Variants in GRID1 observed in about 807,000 individuals in gnomAD.
The protein encoded by GRID1 is glutamate receptor ionotropic, delta-1.
Under a neutral mutation model 98.0 loss-of-function variants are expected in GRID1, and 28 were observed. The ratio of observed to expected loss-of-function variants is 0.29; its 90% CI spans 0.21 to 0.39. The LOEUF is 0.39. GRID1 is among the 10% of genes least tolerant of loss of function. The pLI, the probability that GRID1 is intolerant of heterozygous loss-of-function variation, is 1.00. For missense variants in GRID1, 1,111 were observed against 1,340.5 expected, an observed-to-expected ratio of 0.83 and a Z score of 2.67; for synonymous variants, 553 against 538.5, an observed-to-expected ratio of 1.03 and a Z score of -0.37.
chr10:86,013,642 A>G (rs1258333290), intron 4 of GRID1, among the ~76,000 whole-genome samples: 2 of 152,210 alleles, frequency 1.3e-5, no homozygotes, highest in South Asian at 2.1e-4. Flanking sequence ...AACCTTCACT[A>G]TCCTTCCTGA....
chr10:86,262,535 A>C (rs1028181223), intron 2 of GRID1, among the ~76,000 whole-genome samples: 1 of 152,134 alleles, frequency 6.6e-6, no homozygotes, highest in Admixed American at 6.5e-5. Context: ...GAGGGCCAAG[A>C]GTGGAGGGCG....
At chr10:86,354,062 CAGAAG>C (rs1848500219) in intron 2 of GRID1, among the ~76,000 whole-genome samples, 2 of 152,192 alleles carry the variant, frequency 1.3e-5, no homozygotes, top group African/African-American at 4.8e-5. Flanking sequence ...GATGAAAAGG[CAGAAG>C]GCCCACGGCC....
intron 3 of GRID1, among the ~76,000 whole-genome samples, chr10:86,199,046 C>T (rs1004774356): frequency 2.0e-5 from 3 of 152,138 alleles, no homozygotes; most frequent in East Asian, 1.9e-4. Flanking sequence ...TTTTTATTTA[C>T]TCATTTATTT....
intron 13 of GRID1, among the ~76,000 whole-genome samples, chr10:85,623,635 T>C (rs1489625441): frequency 6.6e-6 from 1 of 152,126 alleles, no homozygotes; most frequent in Non-Finnish European, 1.5e-5. Context: ...TTCACCCTCC[T>C]CCTTCCTTGA....
chr10:86,000,588 G>A (rs1301274184), intron 4 of GRID1, among the ~76,000 whole-genome samples: 3 of 152,138 alleles, frequency 2.0e-5, no homozygotes, highest in Admixed American at 6.5e-5. Context: ...TGTATCAGTG[G>A]AATAGAATAA....
At chr10:85,923,133 CCTCCTTGATGGTCAT>C (rs1841727943) in intron 4 of GRID1, among the ~76,000 whole-genome samples, 1 of 99,116 alleles carries the variant, frequency 1.0e-5, no homozygotes, top group Non-Finnish European at 2.1e-5. Flanking sequence ...GGAGCCAGCC[CCTCCTTGATGGTCAT>C]CTGTTCCCAT....
chr10:85,981,513 C>T (rs1023785517), intron 4 of GRID1, among the ~76,000 whole-genome samples: 2 of 152,152 alleles, frequency 1.3e-5, no homozygotes, highest in Non-Finnish European at 2.9e-5. Context: ...GACTTAATGT[C>T]GGCCTCCTTC....
chr10:85,855,134 T>C (rs538944403), intron 7 of GRID1, among the ~76,000 whole-genome samples: 22 of 152,356 alleles, frequency 1.4e-4, no homozygotes, highest in African/African-American at 5.3e-4. Flanking sequence ...CTTGGGCACA[T>C]TGCCCATCTC....
At chr10:86,264,667 A>T (rs1280789731) in intron 2 of GRID1, 1 of 468,686 alleles carries the variant, frequency 2.1e-6, no homozygotes, top group Admixed American at 2.3e-5. Context: ...CTGTAACCAG[A>T]GAGAAGAGCC....
At chr10:85,706,394 C>T (rs1187911230) in intron 12 of GRID1, among the ~76,000 whole-genome samples, 1 of 152,126 alleles carries the variant, frequency 6.6e-6, no homozygotes, top group Non-Finnish European at 1.5e-5. Context: ...ACCTAGGAAT[C>T]CAACTTACAA....
At chr10:86,248,270 G>T (rs1196899443) in intron 2 of GRID1, among the ~76,000 whole-genome samples, 1 of 152,154 alleles carries the variant, frequency 6.6e-6, no homozygotes, top group African/African-American at 2.4e-5. Flanking sequence ...GGCTGGGGCT[G>T]CCTGAGCACT....
chr10:85,893,612 G>GA (rs1165565262), intron 5 of GRID1, among the ~76,000 whole-genome samples: 1 of 151,986 alleles, frequency 6.6e-6, no homozygotes, highest in African/African-American at 2.4e-5. Flanking sequence ...AAATCTAAAT[G>GA]AAAAAAGAAA....
intron 3 of GRID1, among the ~76,000 whole-genome samples, chr10:86,143,214 G>C (rs1295470354): frequency 6.6e-6 from 1 of 152,180 alleles, no homozygotes; most frequent in African/African-American, 2.4e-5. Flanking sequence ...TTTCCCTGAA[G>C]CTTCTGTCCA....
intron 4 of GRID1, among the ~76,000 whole-genome samples, chr10:85,969,713 TGG>T (rs1454893603): frequency 6.6e-6 from 1 of 152,042 alleles, no homozygotes; most frequent in Non-Finnish European, 1.5e-5. Flanking sequence ...GGAAAATTTG[TGG>T]GTGTAAACAC....
At chr10:85,933,192 A>T (rs1841880319) in intron 4 of GRID1, among the ~76,000 whole-genome samples, 1 of 149,078 alleles carries the variant, frequency 6.7e-6, no homozygotes, top group African/African-American at 2.5e-5. Flanking sequence ...CTGACATGGG[A>T]TGGCACAGCA....
intron 4 of GRID1, among the ~76,000 whole-genome samples, chr10:86,124,937 C>T (rs1031824624): frequency 6.6e-6 from 1 of 152,202 alleles, no homozygotes; most frequent in Non-Finnish European, 1.5e-5. Flanking sequence ...CTGGCTGATA[C>T]AGCCAGTGAC....
rs1841623334 is a variant in GRID1 at position 85,916,535 on chromosome 10, C to T, written c.727-296G>A. ...ACAGGCACAGGCACAGGCACAGCCC[C>T]CCTTCCCTAGGAATGCCTGCAAACA... On this transcript the variant is annotated intron_variant, in intron 4 of 15. Transcript: ENST00000327946. This position sits in a 1 kb window ranked among gnomAD's most constrained non-coding sequence, Gnocchi z 4.0. Among the ~76,000 whole-genome samples, 2 of 152,206 alleles carry T rather than the reference C, an allele frequency of 1.3e-5. No individual in the cohort carries two copies. Among genetic ancestry groups the T allele is most frequent in the Admixed American group, 1.3e-4 (2 of 15,286 alleles).
intron 5 of GRID1, among the ~76,000 whole-genome samples, chr10:85,894,221 T>C (rs1258831066): frequency 2.0e-5 from 3 of 152,144 alleles, no homozygotes; most frequent in Non-Finnish European, 4.4e-5. Flanking sequence ...AGAAAGGATA[T>C]TTTCAATGGC....
chr10:86,043,316 G>T (rs1398356622), intron 4 of GRID1, among the ~76,000 whole-genome samples: 1 of 152,154 alleles, frequency 6.6e-6, no homozygotes, highest in Non-Finnish European at 1.5e-5. Flanking sequence ...AGAATCTGGG[G>T]ACAAGACACT....
Sources: gnomAD v4.1 joint callset for allele counts (sites outside exome capture counted in the v4.1 genomes callset) on GRCh38, gnomAD v4.1.1 for gene constraint, Gnocchi (gnomAD v3.1) non-coding constraint, MANE v1.5 for transcripts, NCBI Gene and HGNC (gene_info 2026-07-23, HGNC 2026-07-21) for gene names.